The following TANC2 variants were observed in gnomAD, a reference collection of about 807,000 sequenced individuals.
The protein encoded by TANC2 is protein TANC2.
TANC2 carries 26 observed loss-of-function variants against 210.5 expected under a neutral mutation model. That is an observed-to-expected ratio of 0.12 (90% CI 0.09 to 0.17). The LOEUF (loss-of-function observed/expected upper bound fraction) is 0.17. Ranked by LOEUF, TANC2 falls within the 10% of genes least tolerant of loss-of-function variation. The pLI is 1.00. For missense variants in TANC2, 2,129 were observed against 2,608.9 expected (o/e 0.82, Z 4.01); for synonymous variants, 931 against 967.1 (o/e 0.96, Z 0.69).
intron 3 of TANC2, among the ~76,000 whole-genome samples, chr17:63,082,014 A>G (rs960904552): frequency 6.6e-6 from 1 of 151,948 alleles, no homozygotes; most frequent in Non-Finnish European, 1.5e-5. Flanking sequence ...AAATACAAAA[A>G]AAAAAAGTTA....
chr17:63,006,000 T>G (rs769002873), intron 1 of TANC2, among the ~76,000 whole-genome samples: 1 of 151,634 alleles, frequency 6.6e-6, no homozygotes, highest in Non-Finnish European at 1.5e-5. Context: ...TATTTTTTGC[T>G]CAACATTTTG....
At chr17:63,033,119 T>A (rs1486159832) in intron 2 of TANC2, among the ~76,000 whole-genome samples, 1 of 152,196 alleles carries the variant, frequency 6.6e-6, no homozygotes, top group Non-Finnish European at 1.5e-5. Flanking sequence ...CCTGTGGAAT[T>A]GGGGTGCCCC....
intron 18 of TANC2, among the ~76,000 whole-genome samples, chr17:63,397,795 T>A (rs927827673): frequency 1.7e-4 from 26 of 152,350 alleles, no homozygotes; most frequent in Admixed American, 9.1e-4. Context: ...GTTGAGAGAT[T>A]TGAGTATTCT....
chr17:63,401,242 G>A (rs894009948), intron 19 of TANC2, among the ~76,000 whole-genome samples: 3 of 152,110 alleles, frequency 2.0e-5, no homozygotes, highest in Admixed American at 2.0e-4. Context: ...AAGCTAGTTG[G>A]TGGGGGCTCA....
intron 9 of TANC2, among the ~76,000 whole-genome samples, chr17:63,268,370 G>C (rs1279763000): frequency 6.6e-6 from 1 of 152,180 alleles, no homozygotes; most frequent in Admixed American, 6.5e-5. Flanking sequence ...TTCATGTGAT[G>C]GGTTGCAGTG....
At chr17:63,068,466 C>T (rs185193205) in intron 2 of TANC2, among the ~76,000 whole-genome samples, 94 of 152,090 alleles carry the variant, frequency 6.2e-4, no homozygotes, top group African/African-American at 2.1e-3. Context: ...GCACAAGGAG[C>T]TTATATACAA....
At chr17:63,096,152 A>G (rs1170870076) in intron 3 of TANC2, among the ~76,000 whole-genome samples, 1 of 152,160 alleles carries the variant, frequency 6.6e-6, no homozygotes, top group Non-Finnish European at 1.5e-5. Flanking sequence ...TGTCAGATAT[A>G]TTCATGAAAG....
intron 3 of TANC2, among the ~76,000 whole-genome samples, chr17:63,081,952 T>A (rs1314313415): frequency 1.3e-5 from 2 of 151,852 alleles, no homozygotes; most frequent in Non-Finnish European, 2.9e-5. Context: ...GATCACGAGA[T>A]CAGGAGATCA....
intron 8 of TANC2, among the ~76,000 whole-genome samples, chr17:63,243,953 A>C (rs1032484605): frequency 2.0e-5 from 3 of 152,182 alleles, no homozygotes; most frequent in African/African-American, 7.2e-5. Flanking sequence ...CTGAAGAAAA[A>C]TGCATGCCTT....
At chr17:63,182,293 T>A in intron 5 of TANC2, 1 of 195,714 alleles carries the variant, frequency 5.1e-6, no homozygotes, top group South Asian at 9.9e-5. Flanking sequence ...ATCCTGAGAA[T>A]AGAGAAGAAA....
chr17:63,086,268 T>G (rs1412286402), intron 3 of TANC2, among the ~76,000 whole-genome samples: 1 of 152,142 alleles, frequency 6.6e-6, no homozygotes, highest in African/African-American at 2.4e-5. Flanking sequence ...TGGTTTGGTA[T>G]CTGACATTAA....
At chr17:63,052,016 TG>T (rs1200399450) in intron 2 of TANC2, among the ~76,000 whole-genome samples, 4 of 152,180 alleles carry the variant, frequency 2.6e-5, no homozygotes, top group African/African-American at 9.7e-5. Flanking sequence ...AAGGCGGGAC[TG>T]TTGTATGAAT....
intron 17 of TANC2, among the ~76,000 whole-genome samples, chr17:63,394,824 T>A (rs1165891268): frequency 6.6e-6 from 1 of 152,256 alleles, no homozygotes; most frequent in African/African-American, 2.4e-5. Context: ...GTCACATTGG[T>A]CACATCTCCC....
intron 4 of TANC2, among the ~76,000 whole-genome samples, chr17:63,101,916 T>G (rs1183164005): frequency 1.3e-5 from 2 of 151,854 alleles, no homozygotes; most frequent in Non-Finnish European, 2.9e-5. Context: ...AGAACAAAAG[T>G]CCTAAAGCAG....
chr17:63,097,593 G>T (rs536963412), intron 3 of TANC2, among the ~76,000 whole-genome samples: 21 of 147,394 alleles, frequency 1.4e-4, no homozygotes, highest in Non-Finnish European at 1.5e-5. Context: ...AAAAAAAAAA[G>T]TAATGTTTTA....
chr17:62,974,987 A>G (rs1001322806), intron 1 of TANC2, among the ~76,000 whole-genome samples: 1 of 152,214 alleles, frequency 6.6e-6, no homozygotes, highest in Non-Finnish European at 1.5e-5. Context: ...GCATTATCAT[A>G]TGATGACGTA....
chr17:63,353,860 G>A (rs1053783202), intron 13 of TANC2, among the ~76,000 whole-genome samples: 2 of 152,018 alleles, frequency 1.3e-5, no homozygotes, highest in African/African-American at 2.4e-5. Context: ...CTTTATTATC[G>A]GATTTGGCAA....
At chr17:63,272,367 T>G (rs1274899338) in intron 9 of TANC2, among the ~76,000 whole-genome samples, 1 of 152,190 alleles carries the variant, frequency 6.6e-6, no homozygotes, top group Non-Finnish European at 1.5e-5. Context: ...TCCTGTAGTA[T>G]AGTTTGAAAT....
At chr17:63,060,437 A>G (rs938755056) in intron 2 of TANC2, among the ~76,000 whole-genome samples, 2 of 152,198 alleles carry the variant, frequency 1.3e-5, no homozygotes, top group Non-Finnish European at 2.9e-5. Flanking sequence ...CCTGGCCAAC[A>G]TGGTGAAACC....
Sources: allele counts gnomAD v4.1 joint callset (sites outside exome capture counted in the v4.1 genomes callset), GRCh38; gene constraint gnomAD v4.1.1; transcripts MANE v1.5; gene names NCBI Gene and HGNC (gene_info 2026-07-23, HGNC 2026-07-21).